SNTB1: variants seen among roughly 807,000 people sequenced by gnomAD.
The protein encoded by SNTB1 is syntrophin beta 1.
Under a neutral mutation model 48.9 loss-of-function variants are expected in SNTB1, and 36 were observed. The ratio of observed to expected loss-of-function variants is 0.74; its 90% CI spans 0.56 to 0.97. The LOEUF is 0.97. Among genes scored for constraint, SNTB1 ranks in the 50% least tolerant of loss-of-function variants. The pLI is 0.00. For missense variants in SNTB1, 786 were observed against 703.4 expected, an observed-to-expected ratio of 1.12 and a Z score of -1.33; for synonymous variants, 299 against 294.6, an observed-to-expected ratio of 1.01 and a Z score of -0.15.
intron 1 of SNTB1, among the ~76,000 whole-genome samples, chr8:120,745,768 C>G (rs1819115817): frequency 6.6e-6 from 1 of 152,158 alleles, no homozygotes; most frequent in Non-Finnish European, 1.5e-5. Flanking sequence ...AAGGCTTTCT[C>G]TGTAATCCTT....
chr8:120,757,393 T>C (rs1245318679), intron 1 of SNTB1, among the ~76,000 whole-genome samples: 1 of 152,126 alleles, frequency 6.6e-6, no homozygotes, highest in African/African-American at 2.4e-5. Context: ...ATAAGAAGTC[T>C]ACAAGGGTCC....
At chr8:120,726,822 T>C in intron 1 of SNTB1, among the ~76,000 whole-genome samples, 1 of 152,130 alleles carries the variant, frequency 6.6e-6, no homozygotes, top group East Asian at 1.9e-4. Context: ...TGTTGGTAAT[T>C]AAACAGTCAC....
At chr8:120,669,644 G>A (rs1393447694) in intron 2 of SNTB1, among the ~76,000 whole-genome samples, 1 of 57,292 alleles carries the variant, frequency 1.7e-5, no homozygotes, top group Admixed American at 1.6e-4. Flanking sequence ...AGTAGAGACG[G>A]GGTTTCACCG....
intron 1 of SNTB1, among the ~76,000 whole-genome samples, chr8:120,700,955 C>T (rs936234176): frequency 3.3e-5 from 5 of 152,048 alleles, no homozygotes; most frequent in Non-Finnish European, 7.4e-5. Context: ...AAATTCATTG[C>T]TTTAGAGGAT....
At chr8:120,554,035 G>C (rs918289513) in intron 4 of SNTB1, among the ~76,000 whole-genome samples, 1 of 152,082 alleles carries the variant, frequency 6.6e-6, no homozygotes, top group Non-Finnish European at 1.5e-5. Flanking sequence ...ATATACATCA[G>C]GTCCTTAAAT....
intron 4 of SNTB1, among the ~76,000 whole-genome samples, chr8:120,569,744 A>C (rs976649624): frequency 6.6e-6 from 1 of 152,198 alleles, no homozygotes; most frequent in Non-Finnish European, 1.5e-5. Context: ...TGCTGTTCGA[A>C]ATGGTAGTCA....
At chr8:120,678,658 A>G (rs1334802185) in intron 2 of SNTB1, among the ~76,000 whole-genome samples, 1 of 152,222 alleles carries the variant, frequency 6.6e-6, no homozygotes. Context: ...TTTCTCCAAC[A>G]GGGTCAGGAA....
At chr8:120,708,073 A>G in intron 1 of SNTB1, among the ~76,000 whole-genome samples, 1 of 152,060 alleles carries the variant, frequency 6.6e-6, no homozygotes, top group Admixed American at 6.5e-5. Context: ...TGTATTATAA[A>G]CAAAAGGGGA....
intron 4 of SNTB1, among the ~76,000 whole-genome samples, chr8:120,560,410 G>A (rs929333729): frequency 2.0e-4 from 30 of 152,206 alleles, no homozygotes; most frequent in Non-Finnish European, 3.7e-4. Context: ...TTGAACCCTG[G>A]AGGCAGAGGT....
intron 1 of SNTB1, among the ~76,000 whole-genome samples, chr8:120,777,438 T>G (rs1819754182): frequency 6.6e-6 from 1 of 152,164 alleles, no homozygotes; most frequent in Non-Finnish European, 1.5e-5. Context: ...GAAGTTACAA[T>G]TTTTAAAAAA....
chr8:120,652,972 A>C (rs1441819958), intron 2 of SNTB1, among the ~76,000 whole-genome samples: 2 of 152,216 alleles, frequency 1.3e-5, no homozygotes, highest in East Asian at 3.9e-4. Context: ...GGGTTACAAA[A>C]CGGAGTAAGA....
At chr8:120,546,222 C>T (rs998361537) in intron 5 of SNTB1, among the ~76,000 whole-genome samples, 1 of 152,088 alleles carries the variant, frequency 6.6e-6, no homozygotes, top group Non-Finnish European at 1.5e-5. Context: ...CACCTGATGC[C>T]CTTTGATGAA....
intron 4 of SNTB1, chr8:120,571,354 A>C: frequency 7.8e-7 from 1 of 1,287,572 alleles, no homozygotes; most frequent in African/African-American, 1.5e-5. Context: ...GATAATGTTC[A>C]CGGATGAGGA....
At chr8:120,669,026 T>A (rs1817717922) in intron 2 of SNTB1, among the ~76,000 whole-genome samples, 1 of 152,180 alleles carries the variant, frequency 6.6e-6, no homozygotes, top group African/African-American at 2.4e-5. Context: ...ATAAGACTGA[T>A]GACATCATGG....
intron 1 of SNTB1, 85 bp downstream of exon 1, chr8:120,811,188 A>AGTGAGT (rs1563610602): frequency 1.3e-5 from 19 of 1,484,108 alleles, no homozygotes; most frequent in Admixed American, 4.5e-5. Flanking sequence ...CATGTGGCCG[A>AGTGAGT]GTGAGTGTGA....
chr8:120,558,298 G>C (rs887519219), intron 4 of SNTB1, among the ~76,000 whole-genome samples: 1 of 152,132 alleles, frequency 6.6e-6, no homozygotes, highest in Non-Finnish European at 1.5e-5. Flanking sequence ...CCAAGAAAAT[G>C]CTGTCTCCCA....
At chr8:120,642,820 G>A (rs1436376108) in intron 2 of SNTB1, among the ~76,000 whole-genome samples, 3 of 152,192 alleles carry the variant, frequency 2.0e-5, no homozygotes, top group African/African-American at 7.2e-5. Context: ...GCTGAGGTGG[G>A]AGGATTGCTT....
intron 1 of SNTB1, among the ~76,000 whole-genome samples, chr8:120,798,248 G>C (rs182923611): frequency 5.3e-4 from 81 of 152,002 alleles, no homozygotes; most frequent in African/African-American, 1.8e-3. Context: ...GGACCTCTTG[G>C]GGAAGGATCC....
intron 1 of SNTB1, among the ~76,000 whole-genome samples, chr8:120,802,282 T>C (rs1820242290): frequency 6.6e-6 from 1 of 152,156 alleles, no homozygotes; most frequent in Non-Finnish European, 1.5e-5. Flanking sequence ...ATTTCCATAA[T>C]TACTGGAAGA....
Sources: allele counts gnomAD v4.1 joint callset (sites outside exome capture counted in the v4.1 genomes callset), GRCh38; gene constraint gnomAD v4.1.1; transcripts MANE v1.5; gene names NCBI Gene and HGNC (gene_info 2026-07-23, HGNC 2026-07-21).